The following TMEM232 variants were observed in gnomAD, a reference collection of about 807,000 sequenced individuals.
TMEM232 encodes transmembrane protein 232.
In TMEM232, 80 loss-of-function variants were observed where a neutral mutation model predicts 78.8. That is an observed-to-expected ratio of 1.01 (90% CI 0.85 to 1.22). TMEM232 has a LOEUF of 1.22. TMEM232 is among the 50% of genes most tolerant of loss of function. TMEM232 has a pLI of 0.00. For synonymous variants in TMEM232, 297 were observed against 254.3 expected (o/e 1.17, Z -1.60); for missense variants, 881 against 742.2 (o/e 1.19, Z -2.17).
chr5:110,684,715 G>A (rs1793176696), intron 1 of TMEM232: 1 of 152,086 alleles, frequency 6.6e-6, no homozygotes, highest in Admixed American at 6.6e-5. Context: ...TGGACATATA[G>A]AGAATTCTAT....
intron 12 of TMEM232, among the ~76,000 whole-genome samples, chr5:110,465,404 G>A (rs1761967311): frequency 6.6e-6 from 1 of 152,152 alleles, no homozygotes. Context: ...GGGTAGCCTA[G>A]AGCTCAGTCA....
At chr5:110,520,718 A>G (rs942439110) in intron 12 of TMEM232, among the ~76,000 whole-genome samples, 1 of 151,992 alleles carries the variant, frequency 6.6e-6, no homozygotes, top group Non-Finnish European at 1.5e-5. Flanking sequence ...TCGGTGGTCG[A>G]GACCAACTTG....
chr5:110,576,442 T>C (rs1777581876), intron 10 of TMEM232, among the ~76,000 whole-genome samples: 1 of 152,068 alleles, frequency 6.6e-6, no homozygotes, highest in Non-Finnish European at 1.5e-5. Flanking sequence ...TCAATATTGT[T>C]AAAATGGCCA....
chr5:110,548,341 TTAA>T (rs1242246445), intron 11 of TMEM232, among the ~76,000 whole-genome samples: 1 of 149,276 alleles, frequency 6.7e-6, no homozygotes, highest in African/African-American at 2.4e-5. Context: ...TTAAATATTA[TTAA>T]TCATTAATTA....
At chr5:110,511,365 C>T (rs1033558774) in intron 12 of TMEM232, among the ~76,000 whole-genome samples, 3 of 151,532 alleles carry the variant, frequency 2.0e-5, no homozygotes, top group African/African-American at 7.3e-5. Flanking sequence ...ATGGGTACAG[C>T]AAACCACCAT....
At chr5:110,497,397 T>G (rs1375707150) in intron 12 of TMEM232, among the ~76,000 whole-genome samples, 2 of 151,994 alleles carry the variant, frequency 1.3e-5, no homozygotes, top group African/African-American at 4.8e-5. Flanking sequence ...GATAACAGGA[T>G]TTGGGTAGAC....
chr5:110,659,615 A>G (rs1789530530), intron 2 of TMEM232, among the ~76,000 whole-genome samples: 1 of 152,154 alleles, frequency 6.6e-6, no homozygotes, highest in South Asian at 2.1e-4. Flanking sequence ...AGCAGAAACA[A>G]CAAACCTACT....
chr5:110,449,169 A>C (rs1237743431), intron 12 of TMEM232, among the ~76,000 whole-genome samples: 1 of 152,084 alleles, frequency 6.6e-6, no homozygotes, highest in African/African-American at 2.4e-5. Flanking sequence ...ATCATCAAAC[A>C]GTTAAAAGAG....
chr5:110,424,803 T>TAA lies in TMEM232; in HGVS notation c.1797+18_1797+19dup, dbSNP rs11454377. ...AAGGAACAAAGCTTTTGCTGCTAGT[T>TAA]AAAAAAAAATCAATCTTACGTGATG... On this transcript the variant is annotated intron_variant, in intron 13 of 13. Transcript: ENST00000455884. 1.5e-5 allele frequency: 22 copies of TAA among 1,510,468 alleles called. No individual in the cohort carries two copies. The highest frequency in any genetic ancestry group is 5.6e-5 in the African/African-American group (4 of 71,558). The allele number at this position is 1,510,468 out of a possible 1,614,324, so 93.6% of individuals were successfully genotyped here. A position where few individuals can be genotyped will look rare whatever the true frequency, so the allele number is the denominator to read the frequency against.
At chr5:110,432,775 G>A (rs1758002852) in intron 12 of TMEM232, among the ~76,000 whole-genome samples, 1 of 151,588 alleles carries the variant, frequency 6.6e-6, no homozygotes, top group Admixed American at 6.6e-5. Context: ...TGGGTTCAAA[G>A]TAAAGGGATG....
At chr5:110,458,545 G>C (rs1019843961) in intron 12 of TMEM232, among the ~76,000 whole-genome samples, 1 of 152,088 alleles carries the variant, frequency 6.6e-6, no homozygotes, top group Non-Finnish European at 1.5e-5. Flanking sequence ...GGTGCTGGCT[G>C]AAACTACGGC....
intron 11 of TMEM232, among the ~76,000 whole-genome samples, chr5:110,549,273 T>C (rs1050589762): frequency 6.6e-6 from 1 of 151,632 alleles, no homozygotes; most frequent in Non-Finnish European, 1.5e-5. Flanking sequence ...ATATCACATA[T>C]GAAAAAAAGA....
rs1007721668 is a variant in TMEM232 at position 110,602,619 on chromosome 5, C to T, written c.1276+2490G>A. Among the ~76,000 whole-genome samples the T allele has an allele frequency of 1.5e-4, 23 of 152,104 alleles. No homozygotes were observed. In the South Asian group the frequency reaches 4.1e-3, roughly 27 times the overall value. The stretch of plus-strand genomic sequence containing the variant: ...TACTATCTCATACCACTTAGAATGG[C>T]GATCATTAAAAAGTCAGGAAACAAC... On this transcript the variant is annotated intron_variant, in intron 10 of 13. Transcript: ENST00000455884.
At chr5:110,483,683 G>T (rs1449749438) in intron 12 of TMEM232, among the ~76,000 whole-genome samples, 9 of 151,810 alleles carry the variant, frequency 5.9e-5, no homozygotes, top group Admixed American at 5.9e-4. Flanking sequence ...ACACCAACAT[G>T]GCACATGTAT....
At chr5:110,474,887 C>T (rs561451066) in intron 12 of TMEM232, among the ~76,000 whole-genome samples, 1 of 152,058 alleles carries the variant, frequency 6.6e-6, no homozygotes, top group East Asian at 1.9e-4. Flanking sequence ...CTTCAGTGAA[C>T]TGAAGACTAT....
chr5:110,473,974 G>C (rs1012914922), intron 12 of TMEM232, among the ~76,000 whole-genome samples: 1 of 148,474 alleles, frequency 6.7e-6, no homozygotes, highest in African/African-American at 2.5e-5. Context: ...TCATAGGCTG[G>C]GGGTGGGGGA....
At chr5:110,595,735 G>A (rs1315503074) in intron 10 of TMEM232, among the ~76,000 whole-genome samples, 5 of 152,094 alleles carry the variant, frequency 3.3e-5, no homozygotes, top group Non-Finnish European at 1.5e-5. Context: ...AAAAAAGAAT[G>A]AAAAGGAATG....
At chr5:110,457,074 G>A (rs1218435320) in intron 12 of TMEM232, among the ~76,000 whole-genome samples, 1 of 151,948 alleles carries the variant, frequency 6.6e-6, no homozygotes, top group South Asian at 2.1e-4. Context: ...AATGCTAAGA[G>A]ACTATAAAGA....
At chr5:110,547,897 C>G (rs139275269) in intron 11 of TMEM232, among the ~76,000 whole-genome samples, 4,371 of 148,688 alleles carry the variant, frequency 0.029, 69 homozygotes, top group African/African-American at 0.048. Flanking sequence ...ACTCAGGAGT[C>G]TGAGGCAGGA....
Sources: gnomAD v4.1 joint callset for allele counts (sites outside exome capture counted in the v4.1 genomes callset) on GRCh38, gnomAD v4.1.1 for gene constraint, MANE v1.5 for transcripts, NCBI Gene and HGNC (gene_info 2026-07-23, HGNC 2026-07-21) for gene names.